The following NAV3 variants were observed in gnomAD, a reference collection of about 807,000 sequenced individuals.
NAV3 encodes the protein neuron navigator 3.
A neutral mutation model predicts 244.7 loss-of-function variants in NAV3; 87 were observed. That is an observed-to-expected ratio of 0.36 (90% CI 0.30 to 0.42). NAV3 has a LOEUF of 0.42. Among genes scored for constraint, NAV3 ranks in the 20% least tolerant of loss-of-function variants. The pLI is 1.00. For synonymous variants in NAV3, 1,126 were observed against 1,042.2 expected, an observed-to-expected ratio of 1.08 and a Z score of -1.55; for missense variants, 2,663 against 2,893.3, an observed-to-expected ratio of 0.92 and a Z score of 1.83.
intron 12 of NAV3, among the ~76,000 whole-genome samples, chr12:78,101,505 A>G (rs150191026): frequency 1.3e-5 from 2 of 152,272 alleles, no homozygotes; most frequent in African/African-American, 2.4e-5. Flanking sequence ...AGAGTAAGGT[A>G]TTTAACATAA....
chr12:78,059,359 G>T (rs1566075767), intron 12 of NAV3, among the ~76,000 whole-genome samples: 1 of 151,994 alleles, frequency 6.6e-6, no homozygotes, highest in African/African-American at 2.4e-5. Flanking sequence ...TGCAATCTCA[G>T]CTCACTGCAA....
chr12:77,622,565 G>A (rs1230613150), intron 2 of NAV3, among the ~76,000 whole-genome samples: 2 of 136,794 alleles, frequency 1.5e-5, no homozygotes, highest in African/African-American at 2.8e-5. Context: ...TTTTTTACTG[G>A]AAGTTGAAAG....
At chr12:78,045,495 A>G (rs1484478367) in intron 9 of NAV3, among the ~76,000 whole-genome samples, 2 of 152,058 alleles carry the variant, frequency 1.3e-5, no homozygotes, top group South Asian at 2.1e-4. Context: ...GGGTTTCACC[A>G]TGTTGGCCAG....
intron 1 of NAV3, among the ~76,000 whole-genome samples, chr12:77,850,680 T>C (rs539186809): frequency 6.6e-6 from 1 of 152,306 alleles, no homozygotes; most frequent in African/African-American, 2.4e-5. Context: ...CTATGAAGTT[T>C]CTCTCTTTCT....
intron 2 of NAV3, among the ~76,000 whole-genome samples, chr12:77,654,028 G>A (rs112899449): frequency 0.051 from 7,748 of 152,076 alleles, 228 homozygotes; most frequent in African/African-American, 0.15. Flanking sequence ...CATGAGCCAC[G>A]CAGAAGACGG....
chr12:77,896,840 CT>C (rs1884681498), intron 1 of NAV3, among the ~76,000 whole-genome samples: 1 of 152,110 alleles, frequency 6.6e-6, no homozygotes, highest in South Asian at 2.1e-4. Context: ...GAAACCCTTG[CT>C]TTTTCCATGT....
At chr12:77,696,212 A>G (rs1428681366) in intron 2 of NAV3, among the ~76,000 whole-genome samples, 2 of 152,266 alleles carry the variant, frequency 1.3e-5, no homozygotes, top group East Asian at 3.9e-4. Flanking sequence ...ATGCTGTCCT[A>G]GTGATTTGCT....
At chr12:77,738,408 T>C (rs1204926312) in intron 2 of NAV3, among the ~76,000 whole-genome samples, 1 of 152,198 alleles carries the variant, frequency 6.6e-6, no homozygotes, top group Non-Finnish European at 1.5e-5. Flanking sequence ...CACAGAACAA[T>C]AGCAGCCAGT....
chr12:77,757,629 T>C (rs1246139106), intron 2 of NAV3, among the ~76,000 whole-genome samples: 1 of 152,216 alleles, frequency 6.6e-6, no homozygotes, highest in Non-Finnish European at 1.5e-5. Flanking sequence ...CCTGAAAGTT[T>C]CACCTCACTC....
intron 2 of NAV3, among the ~76,000 whole-genome samples, chr12:77,821,113 AG>A (rs1872727177): frequency 6.8e-6 from 1 of 147,496 alleles, no homozygotes; most frequent in Non-Finnish European, 1.5e-5. Flanking sequence ...ACACACACAC[AG>A]CTGTTTTGAA....
At chr12:77,894,708 A>T (rs1359352147) in intron 1 of NAV3, among the ~76,000 whole-genome samples, 1 of 152,230 alleles carries the variant, frequency 6.6e-6, no homozygotes, top group Non-Finnish European at 1.5e-5. Context: ...CGCTGAGTAG[A>T]AGCAACAGAA....
chr12:78,201,268 C>T (rs534778591), intron 38 of NAV3, among the ~76,000 whole-genome samples: 4 of 151,820 alleles, frequency 2.6e-5, no homozygotes, highest in South Asian at 2.1e-4. Flanking sequence ...GACATGGTCT[C>T]GCTAGGTTGC....
intron 1 of NAV3, among the ~76,000 whole-genome samples, chr12:77,865,189 A>G (rs1395344353): frequency 6.6e-6 from 1 of 152,060 alleles, no homozygotes; most frequent in Non-Finnish European, 1.5e-5. Context: ...TTTTACTAAA[A>G]TTTATTCATT....
intron 2 of NAV3, among the ~76,000 whole-genome samples, chr12:77,619,078 G>C (rs185206825): frequency 1.3e-5 from 2 of 151,952 alleles, no homozygotes; most frequent in Non-Finnish European, 2.9e-5. Flanking sequence ...ACCCAGGTTA[G>C]TACTATATTG....
chr12:77,723,269 G>C (rs1295230038), intron 2 of NAV3, among the ~76,000 whole-genome samples: 1 of 81,764 alleles, frequency 1.2e-5, no homozygotes. Flanking sequence ...TGCGAATAAA[G>C]TAAACCAAGG....
At chr12:77,744,970 T>C (rs1457392189) in intron 2 of NAV3, among the ~76,000 whole-genome samples, 3 of 152,024 alleles carry the variant, frequency 2.0e-5, no homozygotes, top group African/African-American at 7.2e-5. Flanking sequence ...TGGTACTAGA[T>C]AACTCTATCT....
intron 9 of NAV3, among the ~76,000 whole-genome samples, chr12:78,041,342 C>G (rs1880821063): frequency 6.6e-6 from 1 of 152,144 alleles, no homozygotes; most frequent in African/African-American, 2.4e-5. Flanking sequence ...AATTTACAGG[C>G]TGGCAGCACA....
intron 2 of NAV3, among the ~76,000 whole-genome samples, chr12:77,775,149 T>G (rs1592671062): frequency 6.6e-6 from 1 of 152,260 alleles, no homozygotes; most frequent in East Asian, 1.9e-4. Context: ...CCCAGCACTT[T>G]CGGAGGCCAA....
At chr12:78,020,674 A>G (rs1280592638) in intron 8 of NAV3, among the ~76,000 whole-genome samples, 1 of 152,194 alleles carries the variant, frequency 6.6e-6, no homozygotes, top group African/African-American at 2.4e-5. Context: ...TCTAATATCA[A>G]TGATTACTTT....
Sources: allele counts gnomAD v4.1 joint callset (sites outside exome capture counted in the v4.1 genomes callset), GRCh38; gene constraint gnomAD v4.1.1; transcripts MANE v1.5; gene names NCBI Gene and HGNC (gene_info 2026-07-23, HGNC 2026-07-21).